Variants in MCTP1 observed in about 807,000 individuals in gnomAD.
MCTP1 encodes multiple C2 and transmembrane domain containing 1.
In MCTP1, 69 loss-of-function variants were observed where a neutral mutation model predicts 120.6. The ratio of observed to expected loss-of-function variants is 0.57; its 90% confidence interval spans 0.47 to 0.70. The LOEUF (loss-of-function observed/expected upper bound fraction) is 0.70, where lower values mean the gene tolerates loss of function less well. Ranked by LOEUF, MCTP1 falls within the 30% of genes least tolerant of loss-of-function variation. The pLI, the probability that MCTP1 is intolerant of heterozygous loss-of-function variation, is 0.00. For synonymous variants in MCTP1, 529 were observed against 493.1 expected (o/e 1.07, Z -0.96); for missense variants, 1,203 against 1,248.8 (o/e 0.96, Z 0.55).
Position 94,868,460 on chromosome 5 carries a change from G to A in MCTP1, c.2317-8C>T, listed in dbSNP as rs1214971264. On this transcript the variant is annotated splice_polypyrimidine_tract_variant and splice_region_variant and intron_variant, in intron 16 of 22. Transcript: ENST00000515393. ...AAAGTTTCTTAGTAGCAGCTGTAAGGAAAATGAAAATATTATTATAATTTG... is the reference window on the plus strand; with the variant it reads ...AAAGTTTCTTAGTAGCAGCTGTAAGAAAAATGAAAATATTATTATAATTTG... 4 of 1,573,346 alleles carry A rather than the reference G, an allele frequency of 2.5e-6. No homozygotes were observed. Among genetic ancestry groups the A allele is most frequent in the Admixed American group, 1.8e-5 (1 of 54,508 alleles).
chr5:94,976,521 G>GT (rs748690187), intron 2 of MCTP1, among the ~76,000 whole-genome samples: 7 of 152,140 alleles, frequency 4.6e-5, no homozygotes, highest in Non-Finnish European at 8.8e-5. Flanking sequence ...TCTTCTAAGA[G>GT]TTTTTTATTT....
At chr5:95,247,917 C>T (rs1267870940) in intron 1 of MCTP1, among the ~76,000 whole-genome samples, 2 of 152,134 alleles carry the variant, frequency 1.3e-5, no homozygotes, top group Admixed American at 6.6e-5. Context: ...ATGCTTGGTG[C>T]AGAGCTGAGT....
intron 9 of MCTP1, among the ~76,000 whole-genome samples, chr5:94,910,467 G>GT (rs1212888465): frequency 6.6e-6 from 1 of 152,072 alleles, no homozygotes; most frequent in African/African-American, 2.4e-5. Flanking sequence ...AAGGCATGCA[G>GT]TGGCCTTTTC....
At chr5:94,717,549 G>T (rs1294551057) in intron 19 of MCTP1, among the ~76,000 whole-genome samples, 1 of 152,102 alleles carries the variant, frequency 6.6e-6, no homozygotes, top group African/African-American at 2.4e-5. Context: ...GAGAAATAAA[G>T]GGTATTCACA....
chr5:95,112,955 C>T (rs989795430), intron 1 of MCTP1, among the ~76,000 whole-genome samples: 7 of 151,916 alleles, frequency 4.6e-5, no homozygotes, highest in South Asian at 2.1e-4. Context: ...AAGCATATTC[C>T]GACTTTTAGT....
At chr5:95,126,012 T>C (rs1282164703) in intron 1 of MCTP1, among the ~76,000 whole-genome samples, 1 of 152,252 alleles carries the variant, frequency 6.6e-6, no homozygotes, top group Non-Finnish European at 1.5e-5. Context: ...CGTGCCTCTT[T>C]GTTTTTTAAA....
At chr5:95,167,051 T>A (rs1746494695) in intron 1 of MCTP1, among the ~76,000 whole-genome samples, 1 of 152,096 alleles carries the variant, frequency 6.6e-6, no homozygotes, top group African/African-American at 2.4e-5. Flanking sequence ...TATCTCCTAA[T>A]GCTATCCTTC....
chr5:95,282,855 T>C (rs1386966206), intron 1 of MCTP1, among the ~76,000 whole-genome samples: 3 of 152,252 alleles, frequency 2.0e-5, no homozygotes, highest in Non-Finnish European at 2.9e-5. Context: ...CACAGCCTGT[T>C]TCTTTGTAGC....
intron 14 of MCTP1, 67 bp downstream of exon 14, chr5:94,871,247 CT>C (rs1404261217): frequency 4.9e-6 from 5 of 1,013,382 alleles, no homozygotes; most frequent in African/African-American, 3.3e-5. Flanking sequence ...TGAGAGTTTT[CT>C]TTTCTTTTTT....
intron 1 of MCTP1, chr5:95,166,112 TAGA>T (rs1193813241): frequency 2.0e-5 from 3 of 152,162 alleles, no homozygotes; most frequent in African/African-American, 4.8e-5. Flanking sequence ...TTCAAAATTA[TAGA>T]AGGTTACCTC....
At chr5:94,785,167 C>T (rs926778821) in intron 18 of MCTP1, among the ~76,000 whole-genome samples, 9 of 152,120 alleles carry the variant, frequency 5.9e-5, no homozygotes, top group East Asian at 5.8e-4. Context: ...TTAAGAAAGG[C>T]GAAACAATAA....
intron 1 of MCTP1, among the ~76,000 whole-genome samples, chr5:95,085,309 A>C (rs1221950285): frequency 6.6e-6 from 1 of 152,072 alleles, no homozygotes. Flanking sequence ...ATCCATAACA[A>C]GTACAACATA....
intron 13 of MCTP1, among the ~76,000 whole-genome samples, chr5:94,872,522 T>C (rs866175334): frequency 5.3e-5 from 8 of 152,092 alleles, no homozygotes; most frequent in Non-Finnish European, 2.9e-5. Flanking sequence ...TGGAGAATTT[T>C]CCTTTGTTCA....
intron 10 of MCTP1, among the ~76,000 whole-genome samples, chr5:94,896,416 T>C (rs1337719657): frequency 1.3e-5 from 2 of 152,136 alleles, no homozygotes; most frequent in African/African-American, 2.4e-5. Flanking sequence ...CTCACTTTTT[T>C]TTTTCTTTTT....
intron 19 of MCTP1, among the ~76,000 whole-genome samples, chr5:94,745,750 C>A (rs6873364): frequency 0.75 from 113,479 of 152,200 alleles, 42,672 homozygotes; most frequent in East Asian, 0.97. Flanking sequence ...AGAAGAGAAG[C>A]AGCACAAAGT....
At chr5:94,710,645 G>T in intron 21 of MCTP1, 173 bp downstream of exon 21, 1 of 524,406 alleles carries the variant, frequency 1.9e-6, no homozygotes, top group Non-Finnish European at 3.4e-6. Flanking sequence ...CATTTTGCAG[G>T]TGGACCTAAA....
chr5:94,802,616 A>G (rs1781447388), intron 17 of MCTP1, among the ~76,000 whole-genome samples: 1 of 152,180 alleles, frequency 6.6e-6, no homozygotes, highest in Non-Finnish European at 1.5e-5. Context: ...AAGAGAAATA[A>G]GGCAGCTGGA....
intron 1 of MCTP1, among the ~76,000 whole-genome samples, chr5:95,083,279 T>G (rs967766191): frequency 2.0e-5 from 3 of 152,228 alleles, no homozygotes; most frequent in Non-Finnish European, 4.4e-5. Flanking sequence ...GTCCACTTTT[T>G]AGAATATTAA....
intron 2 of MCTP1, among the ~76,000 whole-genome samples, chr5:94,996,736 G>C (rs1832699653): frequency 6.6e-6 from 1 of 152,038 alleles, no homozygotes; most frequent in African/African-American, 2.4e-5. Context: ...CATGGACATG[G>C]GAGGGCCGAC....
Sources: allele counts gnomAD v4.1 joint callset (sites outside exome capture counted in the v4.1 genomes callset), GRCh38; gene constraint gnomAD v4.1.1; transcripts MANE v1.5; gene names NCBI Gene and HGNC (gene_info 2026-07-23, HGNC 2026-07-21).